PHF12: variants seen among roughly 807,000 people sequenced by gnomAD.
The protein encoded by PHF12 is PHD factor 1.
A neutral mutation model predicts 99.8 loss-of-function variants in PHF12; 6 were observed. The ratio of observed to expected loss-of-function variants is 0.06; its 90% CI spans 0.03 to 0.12. The LOEUF (loss-of-function observed/expected upper bound fraction) is 0.12, where lower values mean the gene tolerates loss of function less well. PHF12 is among the 10% of genes least tolerant of loss of function. The pLI, the probability that PHF12 is intolerant of heterozygous loss-of-function variation, is 1.00. For missense variants in PHF12, 954 were observed against 1,300.1 expected, an observed-to-expected ratio of 0.73 and a Z score of 4.09; for synonymous variants, 480 against 514.9, an observed-to-expected ratio of 0.93 and a Z score of 0.92.
chr17:28,933,055 T>C (rs1195648749), intron 2 of PHF12, among the ~76,000 whole-genome samples: 2 of 152,164 alleles, frequency 1.3e-5, no homozygotes, highest in Non-Finnish European at 2.9e-5. Flanking sequence ...ATGATATGCC[T>C]GTCAAGAAAA....
At position 28,908,832 on chromosome 17, in the gene PHF12, C is replaced by A; in HGVS notation, c.2409G>T (p.Gly803=). The A allele has an allele frequency of 6.2e-7, 1 of 1,614,140 alleles. No individual in the cohort carries two copies. The highest frequency in any genetic ancestry group is 1.3e-5 in the African/African-American group (1 of 75,024). Residue 803 remains glycine, a synonymous_variant, in exon 12 of 15, where the codon GGG becomes GGT. Transcript: ENST00000332830. ...AGCACATGTTCACAGCTCCTCCCAA[C>A]CCTAAGAGGGGGTAGAACACAGCTC... ...QARAVFYPLL[G]LGGAVNMCYR...
chr17:28,921,864 C>A (rs2040172981), intron 4 of PHF12, 56 bp from the exon 5 acceptor site: 2 of 1,603,130 alleles, frequency 1.2e-6, no homozygotes, highest in South Asian at 2.2e-5. Context: ...TCCTAGCCTG[C>A]AATATGGAAA....
At position 28,949,977 on chromosome 17, in the gene PHF12, G is replaced by A. The variant is rs2040780304; in HGVS notation, c.248+88C>T. 7.1e-7 allele frequency: 1 copy of A among 1,407,094 alleles called. No homozygotes were observed. Among genetic ancestry groups the A allele is most frequent in the Non-Finnish European group, 9.5e-7 (1 of 1,055,118 alleles). 87.2% of individuals were successfully genotyped at this position (1,407,094 alleles called of 1,614,324 possible). A position where few individuals can be genotyped will look rare whatever the true frequency, so the allele number is the denominator to read the frequency against. On this transcript the variant is annotated intron_variant, in intron 2 of 14. Transcript: ENST00000332830. This position sits in a 1 kb window ranked among gnomAD's most constrained non-coding sequence, Gnocchi z 4.6. ...AGTCAGCTAGCGGCTGCAAGCGCCCGTTATTTCGGCAGTCAGGGGCAGGCC... is the reference window on the plus strand; with the variant it reads ...AGTCAGCTAGCGGCTGCAAGCGCCCATTATTTCGGCAGTCAGGGGCAGGCC...
Position 28,949,022 on chromosome 17 carries a change from TGAG to T in PHF12, c.248+1040_248+1042del, listed in dbSNP as rs1373471544. Among the ~76,000 whole-genome samples, 2 of 152,104 alleles carry T rather than the reference TGAG, an allele frequency of 1.3e-5. No homozygotes were observed. Among genetic ancestry groups the T allele is most frequent in the East Asian group, 1.9e-4 (1 of 5,184 alleles). On this transcript the variant is annotated intron_variant, in intron 2 of 14. Coordinates refer to ENST00000332830, the MANE Select transcript of PHF12 (RefSeq NM_001033561.2). This position sits in a 1 kb window ranked among gnomAD's most constrained non-coding sequence, Gnocchi z 4.6. The stretch of plus-strand genomic sequence containing the variant: ...GCCGGATTGTCCTGGGCTGAGCCGC[TGAG>T]GAGGATCACGCAGCGGGCGATCAAC...
chr17:28,950,267 C>T lies in PHF12; in HGVS notation c.67-21G>A. ...ATTTGCTGCACACACATACAAACGG[C>T]GTGTGTGCACACTCGGAGCTCCCGG... On this transcript the variant is annotated intron_variant, in intron 1 of 14. Coordinates refer to ENST00000332830, the MANE Select transcript of PHF12 (RefSeq NM_001033561.2). The surrounding 1 kb of genome is among the most constrained non-coding windows in gnomAD (Gnocchi z 5.7). 1 of 1,594,922 alleles carries T rather than the reference C, an allele frequency of 6.3e-7. No homozygotes were observed. Among genetic ancestry groups the T allele is most frequent in the Non-Finnish European group, 8.5e-7 (1 of 1,173,910 alleles).
At chr17:28,917,958 C>T (rs1184861300) in intron 6 of PHF12, among the ~76,000 whole-genome samples, 5 of 152,212 alleles carry the variant, frequency 3.3e-5, no homozygotes, top group Admixed American at 2.0e-4. Context: ...ACTCCTACTC[C>T]GTGGTACCAA....
At position 28,912,740 on chromosome 17, in the gene PHF12, T is replaced by C; in HGVS notation, c.1831A>G (p.Ser611Gly). 1 of 1,614,212 alleles carries C rather than the reference T, an allele frequency of 6.2e-7. No homozygotes were observed. Among genetic ancestry groups the C allele is most frequent in the Non-Finnish European group, 8.5e-7 (1 of 1,180,032 alleles). The change falls in exon 9 of 15, where the codon AGC becomes GGC. Residue 611 changes from serine to glycine, a missense_variant. By Grantham distance (56) the Ser-to-Gly change is moderately conservative. Transcript: ENST00000332830. ...IVKTENATGP[S>G]SCPQRSLVPV... ...ACCAAACTCCTCTGGGGGCAAGAGCTGGGGCCAGTGGCATTCTCTGTCTTC... is the reference window on the plus strand; with the variant it reads ...ACCAAACTCCTCTGGGGGCAAGAGCCGGGGCCAGTGGCATTCTCTGTCTTC...
At chr17:28,919,361 TG>T in intron 5 of PHF12, 86 bp from the exon 6 acceptor site, 1 of 2,902 alleles carries the variant, frequency 3.4e-4, no homozygotes. Flanking sequence ...CTCCCCTCCT[TG>T]ATCCTAACAT....
Position 28,906,232 on chromosome 17 carries a change from G to A in PHF12, c.2966C>T (p.Ser989Phe). The A allele has an allele frequency of 4.3e-6, 7 of 1,612,080 alleles. No individual in the cohort carries two copies. The highest frequency in any genetic ancestry group is 1.7e-5 in the Admixed American group (1 of 59,986). ...CACAGGGCCCTGGTGGGGCTTGAGA[G>A]AGAGCTTCTCGGCCAAGACCCCATC... is the stretch of plus-strand genomic sequence containing the variant. Reference protein sequence around the residue: ...LQDGVLAEKLSLKPHQGPVLR... With the variant: ...LQDGVLAEKLFLKPHQGPVLR... The change falls in exon 15 of 15, where the codon TCT becomes TTT. Residue 989 changes from serine (S) to phenylalanine (F), a missense_variant. This residue lies in a region of PHF12 where 136 missense variants were observed against 172.3 expected (regional missense o/e 0.79). Transcript: ENST00000332830. The surrounding 1 kb of genome is among the most constrained non-coding windows in gnomAD (Gnocchi z 4.2).
At chr17:28,926,936 T>A (rs2040288306) in intron 3 of PHF12, 55 bp downstream of exon 3, 1 of 1,608,746 alleles carries the variant, frequency 6.2e-7, no homozygotes, top group African/African-American at 1.3e-5. Context: ...AGCTCTAGCA[T>A]ATCAGTGCTC....
At chr17:28,910,968 A>C in intron 10 of PHF12, 144 bp downstream of exon 10, 5 of 1,095,114 alleles carry the variant, frequency 4.6e-6, no homozygotes, top group Non-Finnish European at 3.8e-6. Flanking sequence ...CCCCCATCCA[A>C]AAGGATACTC....
In PHF12 at chr17:28,931,288, C is replaced by T. The variant is rs10451294; in HGVS notation, c.249-4225G>A. 6.9e-3 allele frequency among the ~76,000 whole-genome samples: 996 copies of T among 143,722 alleles called. 8 individuals carry two copies. Among genetic ancestry groups the T allele is most frequent in the African/African-American group, 0.025 (947 of 38,304 alleles). 94.3% of individuals were successfully genotyped at this position (143,722 alleles called of 152,430 possible). Reference sequence around the variant, plus strand: ...TTTTTTTTTTTGAGACGGAGTCTTGCTCAGTTGCCCAGGCTGGAGTGCAGT... The same window carrying T: ...TTTTTTTTTTTGAGACGGAGTCTTGTTCAGTTGCCCAGGCTGGAGTGCAGT... On this transcript the variant is annotated intron_variant, in intron 2 of 14. Coordinates refer to ENST00000332830, the MANE Select transcript of PHF12 (RefSeq NM_001033561.2).
chr17:28,951,242 G>A lies in PHF12; in HGVS notation c.-282C>T, dbSNP rs2152681413. The A allele has an allele frequency of 7.6e-7, 1 of 1,307,364 alleles. No individual in the cohort carries two copies. Among genetic ancestry groups the A allele is most frequent in the Admixed American group, 3.5e-5 (1 of 28,660 alleles). The allele number at this position is 1,307,364 out of a possible 1,614,324, so 81.0% of individuals were successfully genotyped here. On this transcript the variant is annotated 5_prime_UTR_variant, in exon 1 of 15. Transcript: ENST00000332830. ...GGGGGTCAGGCCTCGGCGGGGCCTA[G>A]TCCCACAGGCTAAAGCCGGCACTGG...
intron 10 of PHF12, 115 bp downstream of exon 10, chr17:28,910,997 T>TA (rs2039949480): frequency 7.1e-7 from 1 of 1,411,898 alleles, no homozygotes; most frequent in Non-Finnish European, 9.7e-7. Flanking sequence ...CATCTCCCCC[T>TA]AGGCCTCTGG....
At chr17:28,926,571 A>T (rs546991992) in intron 3 of PHF12, 3 of 354,222 alleles carry the variant, frequency 8.5e-6, no homozygotes, top group Non-Finnish European at 1.6e-5. Flanking sequence ...TGGGGTACAA[A>T]TGCGTTCAAA....
At position 28,951,073 on chromosome 17, in the gene PHF12, C is replaced by A; in HGVS notation, c.-113G>T. 6.5e-7 allele frequency: 1 copy of A among 1,540,388 alleles called. No homozygotes were observed. The highest frequency in any genetic ancestry group is 1.4e-5 in the African/African-American group (1 of 73,344). Reference sequence around the variant, plus strand: ...CCCCGGCCCCGCTTTTTTCCCAATACGGGTCCCGACTTCCTCGCCCTGGCT... The same window carrying A: ...CCCCGGCCCCGCTTTTTTCCCAATAAGGGTCCCGACTTCCTCGCCCTGGCT... On this transcript the variant is annotated 5_prime_UTR_variant, in exon 1 of 15. Transcript: ENST00000332830.
At position 28,949,974 on chromosome 17, in the gene PHF12, C is replaced by T; in HGVS notation, c.248+91G>A. The T allele has an allele frequency of 7.2e-7, 1 of 1,393,830 alleles. No individual in the cohort carries two copies. Among genetic ancestry groups the T allele is most frequent in the South Asian group, 1.4e-5 (1 of 69,132 alleles). The allele number at this position is 1,393,830 out of a possible 1,614,324, so 86.3% of individuals were successfully genotyped here. ...GAAAGTCAGCTAGCGGCTGCAAGCG[C>T]CCGTTATTTCGGCAGTCAGGGGCAG... On this transcript the variant is annotated intron_variant, in intron 2 of 14. Coordinates refer to ENST00000332830, the MANE Select transcript of PHF12 (RefSeq NM_001033561.2). This position sits in a 1 kb window ranked among gnomAD's most constrained non-coding sequence, Gnocchi z 4.6.
intron 4 of PHF12, among the ~76,000 whole-genome samples, chr17:28,922,863 G>A (rs2040190641): frequency 2.0e-5 from 3 of 151,994 alleles, no homozygotes; most frequent in Admixed American, 1.3e-4. Flanking sequence ...CGGGAGGATC[G>A]TGTGAGCACA....
At position 28,951,327 on chromosome 17, in the gene PHF12, G is replaced by A. The variant is rs989300033; in HGVS notation, c.-367C>T. On this transcript the variant is annotated 5_prime_UTR_variant, in exon 1 of 15. Transcript: ENST00000332830. ...CTGCCATCCCGGGGCTGGGGGTATC[G>A]GAGGGGGGGTGAGAGGTTACGTGAG... The A allele has an allele frequency of 2.8e-6, 3 of 1,061,704 alleles. No individual in the cohort carries two copies. Among genetic ancestry groups the A allele is most frequent in the Non-Finnish European group, 2.3e-6 (2 of 875,916 alleles). The allele number at this position is 1,061,704 out of a possible 1,614,324, so 65.8% of individuals were successfully genotyped here.
Sources: gnomAD v4.1 joint callset for allele counts (sites outside exome capture counted in the v4.1 genomes callset) on GRCh38, gnomAD v4.1.1 for gene constraint, gnomAD v4.1.1 regional missense constraint, Gnocchi (gnomAD v3.1) non-coding constraint, MANE v1.5 for transcripts, NCBI Gene and HGNC (gene_info 2026-07-23, HGNC 2026-07-21) for gene names.